The following PTPRQ variants were observed in gnomAD, a reference collection of about 807,000 sequenced individuals.
PTPRQ encodes the protein protein tyrosine phosphatase receptor type Q.
A neutral mutation model predicts 246.0 loss-of-function variants in PTPRQ; 199 were observed. The ratio of observed to expected loss-of-function variants is 0.81; its 90% CI spans 0.72 to 0.91. The LOEUF is 0.91. Ranked by LOEUF, PTPRQ falls within the 40% of genes least tolerant of loss-of-function variation. The probability of loss-of-function intolerance (pLI) is 0.00; values close to 1 mark genes in which losing one functional copy is unlikely to be tolerated. For missense variants in PTPRQ, 2,624 were observed against 2,528.4 expected (o/e 1.04, Z -0.81); for synonymous variants, 869 against 853.2 (o/e 1.02, Z -0.32).
intron 9 of PTPRQ, 125 bp from the exon 10 acceptor site, chr12:80,493,150 A>G (rs772524631): frequency 9.0e-7 from 1 of 1,111,092 alleles, no homozygotes; most frequent in Non-Finnish European, 1.2e-6. Context: ...GACAGTGGTC[A>G]TGGAAATATG....
chr12:80,675,590 C>T (rs1167758883), intron 43 of PTPRQ, among the ~76,000 whole-genome samples: 4 of 152,144 alleles, frequency 2.6e-5, no homozygotes, highest in Admixed American at 2.6e-4. Flanking sequence ...AGTCTAGAGT[C>T]AATCTTCAAA....
At chr12:80,483,269 C>T (rs1398933015) in intron 8 of PTPRQ, among the ~76,000 whole-genome samples, 4 of 140,334 alleles carry the variant, frequency 2.9e-5, no homozygotes, top group Middle Eastern at 3.4e-3. Context: ...AGTAAACTAT[C>T]GCAAGAACAA....
intron 42 of PTPRQ, 24 bp from the exon 43 acceptor site, chr12:80,673,145 T>C (rs940743203): frequency 1.3e-6 from 2 of 1,548,822 alleles, no homozygotes; most frequent in Non-Finnish European, 1.7e-6. Flanking sequence ...TGAATAATTT[T>C]CATGTAATTT....
intron 29 of PTPRQ, among the ~76,000 whole-genome samples, chr12:80,615,755 A>G (rs1391336635): frequency 6.6e-6 from 1 of 151,016 alleles, no homozygotes; most frequent in Non-Finnish European, 1.5e-5. Flanking sequence ...GGATTTACAG[A>G]AGGCCAGAGT....
chr12:80,636,128 G>T (rs1478155002), intron 35 of PTPRQ, among the ~76,000 whole-genome samples: 1 of 152,118 alleles, frequency 6.6e-6, no homozygotes, highest in Non-Finnish European at 1.5e-5. Context: ...TCACTAAATT[G>T]CAGGGAAATG....
intron 14 of PTPRQ, among the ~76,000 whole-genome samples, chr12:80,498,419 C>T (rs936525385): frequency 4.0e-5 from 6 of 151,890 alleles, no homozygotes; most frequent in African/African-American, 1.5e-4. Context: ...TTATAATATA[C>T]CAGGCCTTAC....
intron 35 of PTPRQ, among the ~76,000 whole-genome samples, chr12:80,646,441 T>G (rs1592754661): frequency 1.3e-5 from 2 of 152,264 alleles, no homozygotes; most frequent in Admixed American, 1.3e-4. Context: ...TAAAATATCT[T>G]TAGGCGGACA....
intron 26 of PTPRQ, among the ~76,000 whole-genome samples, chr12:80,604,372 A>C (rs1898241672): frequency 6.6e-6 from 1 of 151,564 alleles, no homozygotes; most frequent in Non-Finnish European, 1.5e-5. Context: ...TGTACACATA[A>C]GGATTTTAAA....
intron 29 of PTPRQ, among the ~76,000 whole-genome samples, chr12:80,614,351 A>G (rs1269564238): frequency 3.3e-5 from 5 of 150,778 alleles, no homozygotes; most frequent in African/African-American, 1.2e-4. Flanking sequence ...ACACAGAGAC[A>G]TATACAGACA....
chr12:80,473,297 A>G (rs1893712212), intron 8 of PTPRQ, among the ~76,000 whole-genome samples: 1 of 152,138 alleles, frequency 6.6e-6, no homozygotes, highest in African/African-American at 2.4e-5. Flanking sequence ...CTTTTTTTGT[A>G]TTAAAATTTT....
intron 25 of PTPRQ, among the ~76,000 whole-genome samples, chr12:80,557,429 T>C (rs1036693319): frequency 7.9e-5 from 12 of 151,162 alleles, no homozygotes; most frequent in African/African-American, 2.9e-4. Flanking sequence ...CTATTTCCAA[T>C]GTCCAGAAAA....
intron 3 of PTPRQ, among the ~76,000 whole-genome samples, chr12:80,457,275 A>G (rs564377983): frequency 3.9e-5 from 6 of 152,242 alleles, no homozygotes; most frequent in Non-Finnish European, 8.8e-5. Context: ...TCAGAGAAAG[A>G]CTGAGCTTTC....
intron 25 of PTPRQ, among the ~76,000 whole-genome samples, chr12:80,568,523 A>G (rs1251936318): frequency 1.3e-5 from 2 of 152,106 alleles, no homozygotes; most frequent in Non-Finnish European, 2.9e-5. Context: ...TTCTGTCCAT[A>G]TTTGTCTTCA....
At chr12:80,590,345 A>G (rs1239702704) in intron 26 of PTPRQ, among the ~76,000 whole-genome samples, 1 of 152,072 alleles carries the variant, frequency 6.6e-6, no homozygotes, top group Non-Finnish European at 1.5e-5. Context: ...TTTTCAACCT[A>G]AAGCAGATGA....
chr12:80,463,315 GA>G (rs988500407), intron 6 of PTPRQ, among the ~76,000 whole-genome samples: 3 of 152,086 alleles, frequency 2.0e-5, no homozygotes. Context: ...GAAGTTTAGA[GA>G]AAAAAGAATA....
At chr12:80,642,914 C>T (rs1899922481) in intron 35 of PTPRQ, among the ~76,000 whole-genome samples, 1 of 74,652 alleles carries the variant, frequency 1.3e-5, no homozygotes, top group Non-Finnish European at 2.1e-5. Context: ...AGCGAGACTC[C>T]GTCTTAAAAA....
intron 5 of PTPRQ, among the ~76,000 whole-genome samples, chr12:80,459,745 C>T (rs975909006): frequency 2.0e-5 from 3 of 152,078 alleles, no homozygotes; most frequent in African/African-American, 7.2e-5. Flanking sequence ...TCTGAAAAGA[C>T]TTCATCAAAG....
intron 17 of PTPRQ, among the ~76,000 whole-genome samples, chr12:80,532,942 A>C (rs2120801696): frequency 6.6e-6 from 1 of 152,316 alleles, no homozygotes; most frequent in South Asian, 2.1e-4. Context: ...ACTTCATTTA[A>C]AATTTATTAT....
intron 17 of PTPRQ, among the ~76,000 whole-genome samples, chr12:80,510,674 A>G (rs2120715471): frequency 6.6e-6 from 1 of 152,308 alleles, no homozygotes; most frequent in Middle Eastern, 3.4e-3. Flanking sequence ...GTTACGCATA[A>G]TTATACTAAA....
Sources: gnomAD v4.1 joint callset for allele counts (sites outside exome capture counted in the v4.1 genomes callset) on GRCh38, gnomAD v4.1.1 for gene constraint, MANE v1.5 for transcripts, NCBI Gene and HGNC (gene_info 2026-07-23, HGNC 2026-07-21) for gene names.